The following EYS variants were observed in gnomAD, a reference collection of about 807,000 sequenced individuals.
The protein encoded by EYS is protein eyes shut homolog.
EYS carries 250 observed loss-of-function variants against 282.1 expected under a neutral mutation model. The ratio of observed to expected loss-of-function variants is 0.89; its 90% CI spans 0.80 to 0.98. The LOEUF (loss-of-function observed/expected upper bound fraction) is 0.98. Ranked by LOEUF, EYS falls within the 50% of genes least tolerant of loss-of-function variation. The probability of loss-of-function intolerance (pLI) is 0.00; values close to 1 mark genes in which losing one functional copy is unlikely to be tolerated. For synonymous variants in EYS, 1,355 were observed against 1,282.9 expected, an observed-to-expected ratio of 1.06 and a Z score of -1.20; for missense variants, 4,016 against 3,709.0, an observed-to-expected ratio of 1.08 and a Z score of -2.15.
At chr6:64,351,009 G>A (rs1471570769) in intron 29 of EYS, among the ~76,000 whole-genome samples, 1 of 151,058 alleles carries the variant, frequency 6.6e-6, no homozygotes, top group Non-Finnish European at 1.5e-5. Context: ...CTTCCAACAT[G>A]ATTGTAAGTT....
At chr6:63,759,624 C>G (rs1225528723) in intron 41 of EYS, among the ~76,000 whole-genome samples, 1 of 152,054 alleles carries the variant, frequency 6.6e-6, no homozygotes, top group Non-Finnish European at 1.5e-5. Context: ...ACACATGTAA[C>G]TACACCTCTA....
intron 2 of EYS, among the ~76,000 whole-genome samples, chr6:65,620,403 C>T (rs1766427083): frequency 1.3e-5 from 2 of 150,696 alleles, no homozygotes; most frequent in African/African-American, 2.4e-5. Flanking sequence ...TGGTGATATC[C>T]CGTTTATCAT....
Position 63,721,312 on chromosome 6 carries a change from C to A in EYS, c.8719G>T (p.Gly2907Ter). ...GACACAGACTGGTTACATGTATTTC[C>A]AGCCCAATCTGGCAAACATCTGCAA... The part of the protein sequence containing the change: ...FSCRCLPDWA[G>*]NTCNQSVSCL... Residue 2907 changes from glycine to a stop codon, truncating the protein, a stop_gained, in exon 43 of 43, where the codon GGA (glycine) becomes TGA (stop). Transcript: ENST00000503581. LOFTEE classifies it low-confidence loss of function (END_TRUNC). 1 of 1,551,956 alleles carries A rather than the reference C, an allele frequency of 6.4e-7. No homozygotes were observed. Among genetic ancestry groups the A allele is most frequent in the Non-Finnish European group, 8.7e-7 (1 of 1,147,002 alleles).
chr6:65,451,266 T>G (rs1476831019), intron 5 of EYS, among the ~76,000 whole-genome samples: 1 of 152,074 alleles, frequency 6.6e-6, no homozygotes, highest in Non-Finnish European at 1.5e-5. Context: ...ATGTTTGTAG[T>G]GTTTACTAAT....
At chr6:63,993,446 A>C (rs780274668) in intron 34 of EYS, among the ~76,000 whole-genome samples, 3 of 152,042 alleles carry the variant, frequency 2.0e-5, no homozygotes, top group Non-Finnish European at 2.9e-5. Flanking sequence ...ATGCACACAC[A>C]CAAAAACTGT....
chr6:64,133,853 T>C (rs1321679420), intron 31 of EYS, among the ~76,000 whole-genome samples: 4 of 151,910 alleles, frequency 2.6e-5, no homozygotes, highest in African/African-American at 4.8e-5. Flanking sequence ...TTTTTTTTTT[T>C]CTTTCTCTTT....
chr6:64,441,804 C>T (rs1561996687), intron 26 of EYS, among the ~76,000 whole-genome samples: 3 of 152,176 alleles, frequency 2.0e-5, no homozygotes, highest in Non-Finnish European at 4.4e-5. Flanking sequence ...CTCCTCCTTG[C>T]CTTCCACCAT....
chr6:65,492,264 A>G (rs972794667), intron 4 of EYS, among the ~76,000 whole-genome samples: 3 of 152,120 alleles, frequency 2.0e-5, no homozygotes. Flanking sequence ...ATAGTGCTCA[A>G]AGCTTAACGA....
rs183774440 is a variant in EYS, at chr6:64,852,862, G to A, written c.2993-30040C>T. ...CCTTCAGAGGGAGCATGGTCCTTCT[G>A]AAACCTTGTTTTTACACTTGTACCT... On this transcript the variant is annotated intron_variant, in intron 19 of 42. Coordinates refer to ENST00000503581, the MANE Select transcript of EYS (RefSeq NM_001142800.2). Among the ~76,000 whole-genome samples the A allele has an allele frequency of 6.6e-5, 10 of 152,218 alleles. No individual in the cohort carries two copies. The East Asian group carries it at 1.5e-3, about 24-fold the overall frequency.
chr6:64,779,004 G>A (rs1452694937), intron 22 of EYS, among the ~76,000 whole-genome samples: 1 of 152,126 alleles, frequency 6.6e-6, no homozygotes, highest in Non-Finnish European at 1.5e-5. Flanking sequence ...ATACTGGCAA[G>A]TATGCGGAGC....
intron 30 of EYS, among the ~76,000 whole-genome samples, chr6:64,275,374 T>G (rs1024998137): frequency 6.6e-6 from 1 of 152,098 alleles, no homozygotes; most frequent in Non-Finnish European, 1.5e-5. Context: ...GGAGAAACTT[T>G]CAACCTCTAT....
intron 5 of EYS, among the ~76,000 whole-genome samples, chr6:65,443,427 T>C (rs1768502033): frequency 7.0e-6 from 1 of 143,780 alleles, no homozygotes; most frequent in South Asian, 2.2e-4. Flanking sequence ...TATATGTACA[T>C]ATATGTACAC....
chr6:65,181,882 A>G (rs1173621573), intron 12 of EYS, among the ~76,000 whole-genome samples: 2 of 152,166 alleles, frequency 1.3e-5, no homozygotes, highest in Non-Finnish European at 2.9e-5. Context: ...GCAGCCATAA[A>G]AAATGATGAG....
At chr6:64,241,274 G>GA (rs1766819335) in intron 30 of EYS, among the ~76,000 whole-genome samples, 1 of 152,104 alleles carries the variant, frequency 6.6e-6, no homozygotes, top group Admixed American at 6.6e-5. Flanking sequence ...GAGTTGGGGA[G>GA]AATTCCCTCT....
intron 26 of EYS, among the ~76,000 whole-genome samples, chr6:64,568,227 A>G (rs1582903492): frequency 6.6e-6 from 1 of 152,258 alleles, no homozygotes; most frequent in African/African-American, 2.4e-5. Context: ...CCAACAGAAA[A>G]CTGATAAGAA....
intron 35 of EYS, among the ~76,000 whole-genome samples, chr6:63,908,885 G>T: frequency 6.6e-6 from 1 of 152,066 alleles, no homozygotes; most frequent in East Asian, 1.9e-4. Context: ...GATGTTTCTG[G>T]GACTGAAAGA....
At chr6:65,519,282 C>CTGTGTGTGTT (rs1767256680) in intron 2 of EYS, among the ~76,000 whole-genome samples, 1 of 151,288 alleles carries the variant, frequency 6.6e-6, no homozygotes, top group Admixed American at 6.6e-5. Flanking sequence ...ATTGTTGCCT[C>CTGTGTGTGTT]TGTGTGTGTT....
intron 35 of EYS, among the ~76,000 whole-genome samples, chr6:63,965,564 A>T (rs1766267138): frequency 6.6e-6 from 1 of 152,188 alleles, no homozygotes; most frequent in Non-Finnish European, 1.5e-5. Flanking sequence ...GTCATCTGGT[A>T]ATGTAACAGG....
intron 5 of EYS, among the ~76,000 whole-genome samples, chr6:65,433,781 A>G (rs1767965573): frequency 6.6e-6 from 1 of 152,172 alleles, no homozygotes. Context: ...CTTACTTTTT[A>G]TTTTACTTGA....
Sources: gnomAD v4.1 joint callset for allele counts (sites outside exome capture counted in the v4.1 genomes callset) on GRCh38, gnomAD v4.1.1 for gene constraint, MANE v1.5 for transcripts, NCBI Gene and HGNC (gene_info 2026-07-23, HGNC 2026-07-21) for gene names.